Variants in TBC1D5 observed in about 807,000 individuals in gnomAD.
The protein encoded by TBC1D5 is TBC1 domain family member 5.
In TBC1D5, 75 loss-of-function variants were observed where a neutral mutation model predicts 100.3. That is an observed-to-expected ratio of 0.75 (90% CI 0.62 to 0.91). The LOEUF is 0.91. Among genes scored for constraint, TBC1D5 ranks in the 40% least tolerant of loss-of-function variants. The pLI, the probability that TBC1D5 is intolerant of heterozygous loss-of-function variation, is 0.00. For synonymous variants in TBC1D5, 323 were observed against 325.6 expected (o/e 0.99, Z 0.09); for missense variants, 910 against 942.4 (o/e 0.97, Z 0.45).
chr3:17,677,552 T>G (rs191338008), intron 1 of TBC1D5, among the ~76,000 whole-genome samples: 55 of 152,322 alleles, frequency 3.6e-4, no homozygotes, highest in Non-Finnish European at 5.9e-4. Context: ...TTGGTGGGAC[T>G]GTAAACTAGT....
At chr3:17,528,500 G>A (rs894368333) in intron 2 of TBC1D5, among the ~76,000 whole-genome samples, 1 of 152,104 alleles carries the variant, frequency 6.6e-6, no homozygotes, top group Non-Finnish European at 1.5e-5. Flanking sequence ...CCAGAATTGT[G>A]AAAAATAAAT....
exon 20 of TBC1D5, chr3:17,167,762 G>A: frequency 1.2e-6 from 2 of 1,613,632 alleles, no homozygotes; most frequent in African/African-American, 1.3e-5. Context: ...TTTTAATCCT[G>A]CCAGGGAAAC....
At chr3:17,442,069 G>A (rs925502837) in intron 3 of TBC1D5, among the ~76,000 whole-genome samples, 5 of 152,170 alleles carry the variant, frequency 3.3e-5, no homozygotes, top group Non-Finnish European at 5.9e-5. Flanking sequence ...GTGGTGTTGA[G>A]TTTTCTGTTC....
chr3:17,175,777 A>G (rs1559352535), intron 19 of TBC1D5, among the ~76,000 whole-genome samples: 1 of 152,216 alleles, frequency 6.6e-6, no homozygotes, highest in Non-Finnish European at 1.5e-5. Context: ...ATTTCAGGCC[A>G]TAAAGGTTTT....
At chr3:17,416,888 G>A (rs1354139188) in intron 4 of TBC1D5, among the ~76,000 whole-genome samples, 6 of 152,230 alleles carry the variant, frequency 3.9e-5, no homozygotes, top group Admixed American at 2.0e-4. Flanking sequence ...TTTGGATCAC[G>A]AACGTAATAT....
chr3:17,272,695 T>G (rs2079556981), intron 15 of TBC1D5, among the ~76,000 whole-genome samples: 1 of 152,222 alleles, frequency 6.6e-6, no homozygotes, highest in African/African-American at 2.4e-5. Flanking sequence ...TTCAAACTTC[T>G]TCTGGCTAAA....
At chr3:17,270,968 G>C (rs1034136006) in intron 15 of TBC1D5, among the ~76,000 whole-genome samples, 11 of 152,160 alleles carry the variant, frequency 7.2e-5, no homozygotes, top group African/African-American at 2.4e-4. Context: ...TGTTCCATTG[G>C]CTTATGTGTT....
At chr3:17,172,182 G>T (rs1219652057) in intron 19 of TBC1D5, among the ~76,000 whole-genome samples, 1 of 151,874 alleles carries the variant, frequency 6.6e-6, no homozygotes, top group Non-Finnish European at 1.5e-5. Context: ...AGAAATCTAG[G>T]GTAAATCCAA....
chr3:17,325,348 A>G (rs980629810), intron 13 of TBC1D5, among the ~76,000 whole-genome samples: 1 of 147,948 alleles, frequency 6.8e-6, no homozygotes, highest in African/African-American at 2.5e-5. Context: ...TTTGAGACGA[A>G]GTCTTGCCCT....
At position 17,466,241 on chromosome 3, in the gene TBC1D5, T is replaced by G. The variant is rs193108129; in HGVS notation, c.98-37722A>C. ...TTGGTATGTCATGATGAAATGCTACTGCCTTGACATAACCGTTTTACTAGC... is the reference window on the plus strand; with the variant it reads ...TTGGTATGTCATGATGAAATGCTACGGCCTTGACATAACCGTTTTACTAGC... On this transcript the variant is annotated intron_variant, in intron 3 of 21. Coordinates refer to ENST00000253692, the Ensembl canonical transcript of TBC1D5. 6.6e-5 allele frequency among the ~76,000 whole-genome samples: 10 copies of G among 152,380 alleles called. No individual in the cohort carries two copies. The East Asian group carries it at 1.7e-3, about 26-fold the overall frequency.
At chr3:17,451,410 A>C (rs1222689853) in intron 3 of TBC1D5, among the ~76,000 whole-genome samples, 2 of 152,226 alleles carry the variant, frequency 1.3e-5, no homozygotes, top group Non-Finnish European at 2.9e-5. Context: ...GCTCATCATC[A>C]CTGGTCATTA....
Position 17,376,509 on chromosome 3 carries a change from TAA to T in TBC1D5, c.701+14_701+15del. The T allele has an allele frequency of 7.3e-7, 1 of 1,375,638 alleles. No homozygotes were observed. The highest frequency in any genetic ancestry group is 2.6e-5 in the East Asian group (1 of 38,486). 85.2% of individuals were successfully genotyped at this position (1,375,638 alleles called of 1,614,324 possible). On this transcript the variant is annotated intron_variant, in intron 10 of 21. Transcript: ENST00000253692. ...GCTAAAAAACAAATGGAGCTCATAT[TAA>T]AAAAAAAACTTGCCTGGGCTGTGCA...
At chr3:17,507,551 T>G (rs1161758266) in intron 3 of TBC1D5, among the ~76,000 whole-genome samples, 1 of 152,172 alleles carries the variant, frequency 6.6e-6, no homozygotes, top group Non-Finnish European at 1.5e-5. Context: ...AAAACATGAG[T>G]TAAAAGCAGA....
At chr3:17,628,453 G>C (rs1355239987) in intron 1 of TBC1D5, among the ~76,000 whole-genome samples, 1 of 150,772 alleles carries the variant, frequency 6.6e-6, no homozygotes, top group Non-Finnish European at 1.5e-5. Context: ...ATCAGGAAAA[G>C]TCCCCACCCT....
chr3:17,188,936 T>C (rs1217315723), intron 18 of TBC1D5, among the ~76,000 whole-genome samples: 1 of 152,248 alleles, frequency 6.6e-6, no homozygotes, highest in Non-Finnish European at 1.5e-5. Flanking sequence ...ATGTTCATTA[T>C]ATTTACTTTT....
At chr3:17,418,500 C>A (rs569566908) in intron 4 of TBC1D5, among the ~76,000 whole-genome samples, 77 of 151,818 alleles carry the variant, frequency 5.1e-4, no homozygotes, top group African/African-American at 1.9e-3. Flanking sequence ...CCCAGCTACA[C>A]AGGAAGATGA....
At chr3:17,583,480 C>A (rs143126332) in intron 2 of TBC1D5, among the ~76,000 whole-genome samples, 1,693 of 152,090 alleles carry the variant, frequency 0.011, 25 homozygotes, top group African/African-American at 0.038. Context: ...AATCCTAACA[C>A]TTTGGGAAGC....
intron 4 of TBC1D5, among the ~76,000 whole-genome samples, chr3:17,417,640 C>T (rs192964951): frequency 3.9e-5 from 6 of 152,098 alleles, no homozygotes; most frequent in Admixed American, 2.6e-4. Context: ...TGAATAGTGC[C>T]GCAATAAACA....
chr3:17,617,539 A>G (rs2062277047), intron 2 of TBC1D5, among the ~76,000 whole-genome samples: 1 of 152,106 alleles, frequency 6.6e-6, no homozygotes, highest in African/African-American at 2.4e-5. Context: ...CACCAATCAA[A>G]CGTAGATTTG....
Sources: allele counts gnomAD v4.1 joint callset (sites outside exome capture counted in the v4.1 genomes callset), GRCh38; gene constraint gnomAD v4.1.1; transcripts MANE v1.5; gene names NCBI Gene and HGNC (gene_info 2026-07-23, HGNC 2026-07-21).